The following FAM81A variants were observed in gnomAD, a reference collection of about 807,000 sequenced individuals.
FAM81A encodes the protein protein FAM81A.
A neutral mutation model predicts 46.7 loss-of-function variants in FAM81A; 19 were observed. The observed-to-expected ratio is 0.41, with a 90% CI of 0.28 to 0.60. The LOEUF (loss-of-function observed/expected upper bound fraction) is 0.60. Ranked by LOEUF, FAM81A falls within the 20% of genes least tolerant of loss-of-function variation. FAM81A has a pLI of 0.34. For missense variants in FAM81A, 377 were observed against 453.5 expected (o/e 0.83, Z 1.53); for synonymous variants, 183 against 152.9 (o/e 1.20, Z -1.45).
At position 59,522,491 on chromosome 15, in the gene FAM81A, A is replaced by G. The variant is rs961113229; in HGVS notation, c.*1113A>G. ...ATACTTTTGTATGGACAACAATTCA[A>G]ATTGATATTGCATTTATAGCACTGT... On this transcript the variant is annotated 3_prime_UTR_variant, in exon 9 of 9. Transcript: ENST00000288228. The G allele has an allele frequency of 2.6e-5, 4 of 152,348 alleles. No individual in the cohort carries two copies. Among genetic ancestry groups the G allele is most frequent in the Admixed American group, 6.5e-5 (1 of 15,276 alleles). 9.4% of individuals were successfully genotyped at this position (152,348 alleles called of 1,614,324 possible).
rs955323491 is a variant in FAM81A at position 59,510,718 on chromosome 15, T to G, written c.650+1749T>G. Among the ~76,000 whole-genome samples, 11 of 130,006 alleles carry G rather than the reference T, an allele frequency of 8.5e-5. No individual in the cohort carries two copies. The East Asian group carries it at 2.2e-3, about 26-fold the overall frequency. The allele number at this position is 130,006 out of a possible 152,430, so 85.3% of individuals were successfully genotyped here. On this transcript the variant is annotated intron_variant, in intron 6 of 8. Transcript: ENST00000288228. ...GCTTGAGTCCAGGAGGTTGAGGCTG[T>G]AGTGAGCTATGATTGAGCCACTGCA... is the stretch of plus-strand genomic sequence containing the variant.
chr15:59,470,589 C>A lies in FAM81A; in HGVS notation c.294+10383C>A, dbSNP rs532822172. Among the ~76,000 whole-genome samples, 22 of 152,218 alleles carry A rather than the reference C, an allele frequency of 1.4e-4. 2 individuals carry two copies. In the South Asian group the frequency reaches 3.7e-3, roughly 26 times the overall value. Reference sequence around the variant, plus strand: ...AAGGTCTTCTCTACACTGTTTATTCCAGTTAGCCATTCATCTAATCTTTTT... The same window carrying A: ...AAGGTCTTCTCTACACTGTTTATTCAAGTTAGCCATTCATCTAATCTTTTT... On this transcript the variant is annotated intron_variant, in intron 3 of 8. Transcript: ENST00000288228.
At chr15:59,459,844 T>A in intron 2 of FAM81A, 89 bp from the exon 3 acceptor site, 1 of 1,445,998 alleles carries the variant, frequency 6.9e-7, no homozygotes, top group Non-Finnish European at 9.1e-7. Flanking sequence ...ATAGATAATT[T>A]GTATTTCCAG....
At chr15:59,454,184 A>G (rs184615096) in intron 1 of FAM81A, among the ~76,000 whole-genome samples, 1 of 152,300 alleles carries the variant, frequency 6.6e-6, no homozygotes, top group East Asian at 1.9e-4. Context: ...TTACCATCAT[A>G]TTACAACCAC....
At position 59,450,764 on chromosome 15, in the gene FAM81A, A is replaced by G. The variant is rs561949764; in HGVS notation, c.-77-7786A>G. On this transcript the variant is annotated intron_variant, in intron 1 of 8. Transcript: ENST00000288228. ...ATATTCTTTTAAGATTTGCCAAGCA[A>G]GACAGCCACTTGGAAATCCATTTAG... Among the ~76,000 whole-genome samples, 4 of 152,370 alleles carry G rather than the reference A, an allele frequency of 2.6e-5. No homozygotes were observed. The East Asian group carries it at 7.7e-4, about 29-fold the overall frequency.
At chr15:59,434,014 C>T (rs2081232527), upstream of FAM81A, among the ~76,000 whole-genome samples, 1 of 152,276 alleles carries the variant, frequency 6.6e-6, no homozygotes, top group South Asian at 2.1e-4. Flanking sequence ...TGCCACCATG[C>T]CCGGCTAGCT....
intron 4 of FAM81A, among the ~76,000 whole-genome samples, chr15:59,505,413 G>A (rs999623028): frequency 2.6e-5 from 4 of 151,940 alleles, no homozygotes; most frequent in South Asian, 2.1e-4. Flanking sequence ...TCAGGAGGCT[G>A]AGGCAGGAGA....
At chr15:59,434,007 C>T (rs187364448), upstream of FAM81A, among the ~76,000 whole-genome samples, 159 of 152,256 alleles carry the variant, frequency 1.0e-3, no homozygotes, top group Non-Finnish European at 1.4e-3. Context: ...AGGCACCTGC[C>T]ACCATGCCCG....
chr15:59,512,348 T>C (rs2082219915), intron 6 of FAM81A, among the ~76,000 whole-genome samples: 1 of 151,676 alleles, frequency 6.6e-6, no homozygotes, highest in Non-Finnish European at 1.5e-5. Context: ...GGTGCGCGCC[T>C]GTAGTCCCAG....
At chr15:59,425,938 G>A (rs544562356) in intron 2 of FAM81A, among the ~76,000 whole-genome samples, 1 of 152,264 alleles carries the variant, frequency 6.6e-6, no homozygotes, top group South Asian at 2.1e-4. Flanking sequence ...TATTTTTAAT[G>A]GGCTCAAACT....
chr15:59,502,914 A>G (rs1364335024), intron 4 of FAM81A, among the ~76,000 whole-genome samples: 3 of 151,904 alleles, frequency 2.0e-5, no homozygotes, highest in African/African-American at 7.3e-5. Context: ...TACACGAGGG[A>G]TGTGTGCTGG....
At chr15:59,423,834 C>T (rs2081184907) in intron 2 of FAM81A, among the ~76,000 whole-genome samples, 1 of 152,198 alleles carries the variant, frequency 6.6e-6, no homozygotes. Context: ...CTGCCTCTCT[C>T]TTATATCACT....
At chr15:59,471,359 T>C (rs969721356) in intron 3 of FAM81A, among the ~76,000 whole-genome samples, 5 of 152,228 alleles carry the variant, frequency 3.3e-5, no homozygotes, top group African/African-American at 1.2e-4. Context: ...CCTTTTGCCA[T>C]AGAAAGTCTC....
chr15:59,465,156 T>C (rs1191911887), intron 3 of FAM81A, among the ~76,000 whole-genome samples: 1 of 152,248 alleles, frequency 6.6e-6, no homozygotes, highest in Non-Finnish European at 1.5e-5. Context: ...TTCTCTTTTC[T>C]GTTCCATTGT....
At chr15:59,442,589 C>A (rs2081310419) in intron 1 of FAM81A, among the ~76,000 whole-genome samples, 1 of 142,362 alleles carries the variant, frequency 7.0e-6, no homozygotes, top group South Asian at 2.2e-4. Flanking sequence ...TGCACTCCAG[C>A]CTGGGCGACA....
chr15:59,518,371 C>G (rs536863374), intron 8 of FAM81A, among the ~76,000 whole-genome samples: 7 of 151,878 alleles, frequency 4.6e-5, no homozygotes, highest in African/African-American at 1.7e-4. Context: ...TTGCCTAGGC[C>G]GGGGTGAAGT....
intron 1 of FAM81A, chr15:59,444,208 T>C (rs1261746726): frequency 1.3e-5 from 2 of 152,234 alleles, no homozygotes; most frequent in African/African-American, 4.8e-5. Flanking sequence ...CTAAATTATT[T>C]GATGAAATCA....
At chr15:59,466,604 T>C (rs543024203) in intron 3 of FAM81A, among the ~76,000 whole-genome samples, 1 of 152,362 alleles carries the variant, frequency 6.6e-6, no homozygotes, top group East Asian at 1.9e-4. Context: ...TTCTGGATGT[T>C]AGCCCTTTGT....
chr15:59,491,087 A>T (rs1363031212), intron 3 of FAM81A, among the ~76,000 whole-genome samples: 35 of 152,330 alleles, frequency 2.3e-4, no homozygotes, highest in African/African-American at 8.2e-4. Flanking sequence ...AAAGGAAATC[A>T]GTATATGGAA....
Sources: gnomAD v4.1 joint callset for allele counts (sites outside exome capture counted in the v4.1 genomes callset) on GRCh38, gnomAD v4.1.1 for gene constraint, MANE v1.5 for transcripts, NCBI Gene and HGNC (gene_info 2026-07-23, HGNC 2026-07-21) for gene names.